RALGPS1: variants seen among roughly 807,000 people sequenced by gnomAD.
The protein encoded by RALGPS1 is Ral GEF with PH domain and SH3 binding motif 1, also known as ras-specific guanine nucleotide-releasing factor RalGPS1.
In RALGPS1, 19 loss-of-function variants were observed where a neutral mutation model predicts 78.8. The ratio of observed to expected loss-of-function variants is 0.24; its 90% CI spans 0.17 to 0.35. RALGPS1 has a LOEUF of 0.35. RALGPS1 is among the 10% of genes least tolerant of loss of function. The pLI is 1.00. For synonymous variants in RALGPS1, 228 were observed against 256.3 expected (o/e 0.89, Z 1.06); for missense variants, 454 against 688.3 (o/e 0.66, Z 3.81).
intron 5 of RALGPS1, among the ~76,000 whole-genome samples, chr9:127,049,520 C>G (rs1434078443): frequency 2.0e-5 from 3 of 152,114 alleles, no homozygotes; most frequent in African/African-American, 7.2e-5. Flanking sequence ...ATGGGATGGG[C>G]CTCTCCCAAA....
chr9:126,996,825 T>G (rs1198224036), intron 4 of RALGPS1, among the ~76,000 whole-genome samples: 2 of 152,202 alleles, frequency 1.3e-5, no homozygotes, highest in East Asian at 3.8e-4. Context: ...ATCAAAAAGC[T>G]TATCCACCAT....
chr9:127,143,659 T>C (rs969502088), intron 8 of RALGPS1, among the ~76,000 whole-genome samples: 6 of 152,224 alleles, frequency 3.9e-5, no homozygotes, highest in Non-Finnish European at 7.3e-5. Context: ...ACACCTCTTA[T>C]TTGGTCAAGG....
At chr9:126,938,591 G>A (rs2036479816) in intron 1 of RALGPS1, among the ~76,000 whole-genome samples, 1 of 152,222 alleles carries the variant, frequency 6.6e-6, no homozygotes, top group African/African-American at 2.4e-5. Flanking sequence ...TACAAGGAAG[G>A]GTGGGTTGAT....
intron 8 of RALGPS1, among the ~76,000 whole-genome samples, chr9:127,138,532 G>A (rs2057553027): frequency 6.6e-6 from 1 of 152,146 alleles, no homozygotes; most frequent in Non-Finnish European, 1.5e-5. Context: ...CTACTCCAGG[G>A]AATAGGTGTT....
rs371645524 is a variant in RALGPS1 at position 126,958,505 on chromosome 9, A to G, written c.-65-3720A>G. On this transcript the variant is annotated intron_variant, in intron 1 of 18. Coordinates refer to ENST00000259351, the MANE Select transcript of RALGPS1 (RefSeq NM_014636.3). ...TTGCCTTTTCTGGACATTTCCTAAAAATGGAATCACACAGTACATTCCTTT... is the reference window on the plus strand; with the variant it reads ...TTGCCTTTTCTGGACATTTCCTAAAGATGGAATCACACAGTACATTCCTTT... Among the ~76,000 whole-genome samples, 49 of 152,300 alleles carry G rather than the reference A, an allele frequency of 3.2e-4. 1 individual carries two copies. In the South Asian group the frequency reaches 0.01, roughly 32 times the overall value.
intron 4 of RALGPS1, among the ~76,000 whole-genome samples, chr9:126,997,355 A>G (rs2042869812): frequency 6.6e-6 from 1 of 152,216 alleles, no homozygotes; most frequent in Admixed American, 6.5e-5. Context: ...CAATGTACAA[A>G]AATCACAAGC....
intron 3 of RALGPS1, among the ~76,000 whole-genome samples, chr9:126,975,017 G>C (rs1167491467): frequency 6.6e-6 from 1 of 151,936 alleles, no homozygotes; most frequent in Non-Finnish European, 1.5e-5. Context: ...AACTTCCAGG[G>C]AAGGATTACT....
chr9:127,018,912 A>G (rs371079351), intron 4 of RALGPS1, among the ~76,000 whole-genome samples: 1 of 152,176 alleles, frequency 6.6e-6, no homozygotes, highest in South Asian at 2.1e-4. Context: ...TGATGGGACC[A>G]CTGTTGTATA....
intron 1 of RALGPS1, among the ~76,000 whole-genome samples, chr9:126,915,704 G>A (rs2034083414): frequency 6.6e-6 from 1 of 150,976 alleles, no homozygotes; most frequent in Non-Finnish European, 1.5e-5. Flanking sequence ...GCTACGCCGC[G>A]CCCTAAGTGG....
intron 11 of RALGPS1, among the ~76,000 whole-genome samples, chr9:127,184,789 A>G (rs1329459523): frequency 6.6e-6 from 1 of 152,250 alleles, no homozygotes; most frequent in Admixed American, 6.5e-5. Context: ...CAGAGGCTGG[A>G]CTGGAACCCA....
intron 7 of RALGPS1, among the ~76,000 whole-genome samples, chr9:127,068,587 A>G (rs569919942): frequency 2.0e-5 from 3 of 152,306 alleles, no homozygotes; most frequent in African/African-American, 7.2e-5. Flanking sequence ...GAAGCTTTCC[A>G]TCTCTGTGAT....
chr9:126,958,395 C>T (rs1588646922), intron 1 of RALGPS1, among the ~76,000 whole-genome samples: 1 of 152,068 alleles, frequency 6.6e-6, no homozygotes, highest in African/African-American at 2.4e-5. Context: ...ACATTTCCAT[C>T]CCTCAGAAAC....
In RALGPS1 at chr9:127,190,307, A is replaced by G. The variant is rs757571804; in HGVS notation, c.911-4784A>G. ...TTGCAACTTACTCTCTCCACTTAACATAAGTTTTGGGTTTTGTTTGTTTGT... is the reference window on the plus strand; with the variant it reads ...TTGCAACTTACTCTCTCCACTTAACGTAAGTTTTGGGTTTTGTTTGTTTGT... On this transcript the variant is annotated intron_variant, in intron 11 of 18. Coordinates refer to ENST00000259351, the MANE Select transcript of RALGPS1 (RefSeq NM_014636.3). 3.3e-5 allele frequency among the ~76,000 whole-genome samples: 5 copies of G among 152,142 alleles called. 1 individual carries two copies. Among genetic ancestry groups the G allele is most frequent in the South Asian group, 4.1e-4 (2 of 4,826 alleles).
chr9:127,093,677 C>T, intron 8 of RALGPS1: 1 of 1,598,322 alleles, frequency 6.3e-7, no homozygotes, highest in Middle Eastern at 1.7e-4. Context: ...TCAGGCCTCT[C>T]TTGGGGTGGG....
chr9:127,023,792 T>G (rs1353988180), intron 4 of RALGPS1, among the ~76,000 whole-genome samples: 7 of 152,022 alleles, frequency 4.6e-5, no homozygotes, highest in Non-Finnish European at 1.0e-4. Flanking sequence ...TCCCAGCACT[T>G]TGGGAGGCCG....
At chr9:126,934,933 T>C (rs1342366628) in intron 1 of RALGPS1, among the ~76,000 whole-genome samples, 1 of 152,198 alleles carries the variant, frequency 6.6e-6, no homozygotes, top group African/African-American at 2.4e-5. Flanking sequence ...GAGTTATGTT[T>C]GGCCATGGGA....
chr9:127,168,609 C>A, intron 9 of RALGPS1, 70 bp from the exon 10 acceptor site: 1 of 1,074,560 alleles, frequency 9.3e-7, no homozygotes, highest in Non-Finnish European at 1.4e-6. Context: ...ATCATGATTT[C>A]TATACTTCTC....
At chr9:127,071,665 T>G (rs2050213971) in intron 8 of RALGPS1, among the ~76,000 whole-genome samples, 1 of 152,198 alleles carries the variant, frequency 6.6e-6, no homozygotes, top group Non-Finnish European at 1.5e-5. Flanking sequence ...TTTTGTTGCA[T>G]CCTACGTGTT....
At chr9:127,116,370 A>G (rs2137464235) in intron 8 of RALGPS1, among the ~76,000 whole-genome samples, 1 of 151,970 alleles carries the variant, frequency 6.6e-6, no homozygotes, top group South Asian at 2.1e-4. Flanking sequence ...TTTCCGGGGG[A>G]CAAGGACACT....
Sources: allele counts gnomAD v4.1 joint callset (sites outside exome capture counted in the v4.1 genomes callset), GRCh38; gene constraint gnomAD v4.1.1; transcripts MANE v1.5; gene names NCBI Gene and HGNC (gene_info 2026-07-23, HGNC 2026-07-21).